Variants in PIP5K1A observed in about 807,000 individuals in gnomAD.
PIP5K1A encodes the protein phosphatidylinositol 4-phosphate 5-kinase type-1 alpha.
In PIP5K1A, 46 loss-of-function variants were observed where a neutral mutation model predicts 72.9. The observed-to-expected ratio is 0.63, with a 90% CI of 0.50 to 0.81. The LOEUF is 0.81. Ranked by LOEUF, PIP5K1A falls within the 30% of genes least tolerant of loss-of-function variation. PIP5K1A has a pLI of 0.00. For synonymous variants in PIP5K1A, 228 were observed against 255.1 expected (o/e 0.89, Z 1.01); for missense variants, 458 against 706.1 (o/e 0.65, Z 3.98).
intron 1 of PIP5K1A, among the ~76,000 whole-genome samples, chr1:151,199,444 C>T (rs1213696006): frequency 2.0e-5 from 3 of 151,900 alleles, no homozygotes; most frequent in South Asian, 4.2e-4. Flanking sequence ...GAAATCTCGT[C>T]CCTACTAAAA....
chr1:151,235,353 G>GA lies in PIP5K1A; in HGVS notation c.939+858dup, dbSNP rs587597974. Among the ~76,000 whole-genome samples the GA allele has an allele frequency of 9.9e-5, 15 of 152,248 alleles. 2 individuals are homozygous for GA. The South Asian group carries it at 3.1e-3, about 32-fold the overall frequency. On this transcript the variant is annotated intron_variant, in intron 8 of 15. Coordinates refer to ENST00000368888, the MANE Select transcript of PIP5K1A (RefSeq NM_001135638.2). Reference sequence around the variant, plus strand: ...CTGCCTTGGCCTCCCAAAGTGCTAGGATTACAGGTGTGAGCCACCGCACCC... The same window carrying GA: ...CTGCCTTGGCCTCCCAAAGTGCTAGGAATTACAGGTGTGAGCCACCGCACCC...
At chr1:151,245,835 C>T (rs920269242) in intron 14 of PIP5K1A, among the ~76,000 whole-genome samples, 1 of 152,102 alleles carries the variant, frequency 6.6e-6, no homozygotes, top group African/African-American at 2.4e-5. Context: ...TGCACCAGGC[C>T]ACCACCCCCA....
chr1:151,240,134 C>A, intron 12 of PIP5K1A, 95 bp downstream of exon 12: 1 of 850,380 alleles, frequency 1.2e-6, no homozygotes, highest in Non-Finnish European at 2.0e-6. Context: ...AGGGAGCTGC[C>A]AATGCCAGAG....
Position 151,248,677 on chromosome 1 carries a change from A to G in PIP5K1A, c.*812A>G, listed in dbSNP as rs954665156. 9 of 152,686 alleles carry G rather than the reference A, an allele frequency of 5.9e-5. No homozygotes were observed. Among genetic ancestry groups the G allele is most frequent in the African/African-American group, 2.2e-4 (9 of 41,466 alleles). The allele number at this position is 152,686 out of a possible 1,614,324, so 9.5% of individuals were successfully genotyped here. A position where few individuals can be genotyped will look rare whatever the true frequency, so the allele number is the denominator to read the frequency against. ...GGAGGCAGCCATGGGCTGGGAGATC[A>G]TAGCCCTTCCTAGGCAGAATCCTGT... is the stretch of plus-strand genomic sequence containing the variant. On this transcript the variant is annotated 3_prime_UTR_variant, in exon 16 of 16. Transcript: ENST00000368888.
In PIP5K1A at chr1:151,198,881, G is replaced by T; in HGVS notation, c.-116G>T. On this transcript the variant is annotated 5_prime_UTR_variant, in exon 1 of 16. Transcript: ENST00000368888. Reference sequence around the variant, plus strand: ...TGAGGGAGGCCCCGGAGGGGGCGGGGAGGTGGCCCACAGAACGCGGGTTCT... The same window carrying T: ...TGAGGGAGGCCCCGGAGGGGGCGGGTAGGTGGCCCACAGAACGCGGGTTCT... 1.0e-6 allele frequency: 1 copy of T among 983,070 alleles called. No individual in the cohort carries two copies. The allele number at this position is 983,070 out of a possible 1,614,324, so 60.9% of individuals were successfully genotyped here. A position where few individuals can be genotyped will look rare whatever the true frequency, so the allele number is the denominator to read the frequency against.
rs181398076 is a variant in PIP5K1A at position 151,202,334 on chromosome 1, C to T, written c.85+3253C>T. 4.4e-3 allele frequency among the ~76,000 whole-genome samples: 672 copies of T among 152,338 alleles called. 6 individuals are homozygous for T. The highest frequency in any genetic ancestry group is 0.014 in the Middle Eastern group (4 of 294). On this transcript the variant is annotated intron_variant, in intron 1 of 15. Transcript: ENST00000368888. ...GGTTTTAGGGTGGTTGACACGCACA[C>T]TTCTTGAATTTCTACAGGGCCAGCC... is the stretch of plus-strand genomic sequence containing the variant.
intron 1 of PIP5K1A, among the ~76,000 whole-genome samples, chr1:151,209,271 C>T (rs1018584713): frequency 6.6e-6 from 1 of 151,592 alleles, no homozygotes; most frequent in African/African-American, 2.4e-5. Flanking sequence ...AGGGATCTTG[C>T]TTTTTTTCTT....
At chr1:151,210,484 G>A in intron 1 of PIP5K1A, among the ~76,000 whole-genome samples, 1 of 152,150 alleles carries the variant, frequency 6.6e-6, no homozygotes, top group Non-Finnish European at 1.5e-5. Flanking sequence ...ACCCTGCTTG[G>A]TGTGGCGCTC....
chr1:151,234,678 C>T (rs1301763435), intron 8 of PIP5K1A, among the ~76,000 whole-genome samples, 182 bp downstream of exon 8: 3 of 152,160 alleles, frequency 2.0e-5, no homozygotes, highest in Non-Finnish European at 2.9e-5. Context: ...CCCCGTTTAT[C>T]CTCCCACAAT....
chr1:151,217,786 T>C (rs1398153390), intron 1 of PIP5K1A, among the ~76,000 whole-genome samples: 1 of 151,974 alleles, frequency 6.6e-6, no homozygotes, highest in Non-Finnish European at 1.5e-5. Flanking sequence ...TTTTTTTAAA[T>C]TTTTTATTTT....
intron 1 of PIP5K1A, among the ~76,000 whole-genome samples, chr1:151,200,245 G>A (rs1197779984): frequency 1.3e-5 from 2 of 151,958 alleles, no homozygotes; most frequent in African/African-American, 4.8e-5. Flanking sequence ...AAATGGACTG[G>A]AAGAATGCTT....
intron 1 of PIP5K1A, among the ~76,000 whole-genome samples, chr1:151,212,111 CA>C (rs587612763): frequency 1.6e-3 from 210 of 128,948 alleles, no homozygotes; most frequent in Middle Eastern, 4.1e-3. Context: ...GACTCCGTCT[CA>C]AAAAAAAAAA....
chr1:151,202,296 A>G (rs10749660), intron 1 of PIP5K1A, among the ~76,000 whole-genome samples: 96,988 of 152,026 alleles, frequency 0.64, 31,366 homozygotes, highest in Non-Finnish European at 0.7. Flanking sequence ...CTAAACAGCT[A>G]AGAACAGTAA....
At chr1:151,244,524 T>A (rs752552928) in intron 14 of PIP5K1A, among the ~76,000 whole-genome samples, 3 of 152,004 alleles carry the variant, frequency 2.0e-5, no homozygotes, top group Non-Finnish European at 2.9e-5. Context: ...GGCGTGGTGG[T>A]ATGTTCCTGT....
rs1684815037 is a variant in PIP5K1A at position 151,199,037 on chromosome 1, T to G, written c.41T>G (p.Phe14Cys). ...TCCGGGCCGTCGTCTTCGGTCGGTT[T>G]TTCATCCTTTGATCCCGCGGTCCCT... ...ASSGPSSSVG[F>C]SSFDPAVPSC... is the part of the protein sequence containing the mutation. The change falls in exon 1 of 16, where the codon TTT becomes TGT. Residue 14 changes from phenylalanine (F) to cysteine (C), a missense_variant. By Grantham distance (205) the Phe-to-Cys change is radical (BLOSUM62 -2). Coordinates refer to ENST00000368888, the MANE Select transcript of PIP5K1A (RefSeq NM_001135638.2). 1 of 1,614,180 alleles carries G rather than the reference T, an allele frequency of 6.2e-7. No homozygotes were observed. The highest frequency in any genetic ancestry group is 1.3e-5 in the African/African-American group (1 of 75,076).
intron 1 of PIP5K1A, among the ~76,000 whole-genome samples, chr1:151,205,327 C>T (rs1234992744): frequency 6.6e-6 from 1 of 152,122 alleles, no homozygotes; most frequent in African/African-American, 2.4e-5. Context: ...AGGCGTGCGC[C>T]ACCACGCCCA....
In PIP5K1A at chr1:151,247,275, C is replaced by T. The variant is rs901589722; in HGVS notation, c.1686+310C>T. Reference sequence around the variant, plus strand: ...TCTGGAGTAGCTGGGACTACAGGTGCGTGCCACCACGCCCGGCTAATTTTT... The same window carrying T: ...TCTGGAGTAGCTGGGACTACAGGTGTGTGCCACCACGCCCGGCTAATTTTT... On this transcript the variant is annotated intron_variant, in intron 15 of 15. Transcript: ENST00000368888. Among the ~76,000 whole-genome samples, 11 of 152,022 alleles carry T rather than the reference C, an allele frequency of 7.2e-5. No homozygotes were observed. In the South Asian group the frequency reaches 1.7e-3, roughly 23 times the overall value.
intron 7 of PIP5K1A, among the ~76,000 whole-genome samples, chr1:151,233,990 G>T (rs1690504984): frequency 6.6e-6 from 1 of 152,098 alleles, no homozygotes; most frequent in African/African-American, 2.4e-5. Flanking sequence ...CTGTATTGGA[G>T]AGTCTGTGGC....
chr1:151,201,852 AC>A (rs1447256739), intron 1 of PIP5K1A, among the ~76,000 whole-genome samples: 1 of 152,132 alleles, frequency 6.6e-6, no homozygotes, highest in South Asian at 2.1e-4. Flanking sequence ...ACAGAGCAAG[AC>A]TCTGTCTCAA....
Sources: gnomAD v4.1 joint callset for allele counts (sites outside exome capture counted in the v4.1 genomes callset) on GRCh38, gnomAD v4.1.1 for gene constraint, MANE v1.5 for transcripts, NCBI Gene and HGNC (gene_info 2026-07-23, HGNC 2026-07-21) for gene names.